COL14A1: variants seen among roughly 807,000 people sequenced by gnomAD.
COL14A1 encodes the protein collagen type XIV alpha 1 chain.
In COL14A1, 136 loss-of-function variants were observed where a neutral mutation model predicts 230.3. The observed-to-expected ratio is 0.59, with a 90% CI of 0.51 to 0.68. COL14A1 has a LOEUF of 0.68. Among genes scored for constraint, COL14A1 ranks in the 30% least tolerant of loss-of-function variants. The pLI, the probability that COL14A1 is intolerant of heterozygous loss-of-function variation, is 0.00. For synonymous variants in COL14A1, 792 were observed against 784.1 expected, an observed-to-expected ratio of 1.01 and a Z score of -0.17; for missense variants, 1,976 against 2,215.8, an observed-to-expected ratio of 0.89 and a Z score of 2.17.
chr8:120,340,906 A>C (rs1246092432), intron 42 of COL14A1, among the ~76,000 whole-genome samples: 1 of 152,168 alleles, frequency 6.6e-6, no homozygotes, highest in East Asian at 1.9e-4. Flanking sequence ...CCTTTTGGAG[A>C]TATTCCTTTA....
chr8:120,324,428 A>G (rs1299856964), intron 40 of COL14A1, among the ~76,000 whole-genome samples: 1 of 152,176 alleles, frequency 6.6e-6, no homozygotes, highest in African/African-American at 2.4e-5. Context: ...CAGTGTTTAC[A>G]GAATCTGTGG....
chr8:120,346,003 G>C (rs1169307988), intron 45 of COL14A1, among the ~76,000 whole-genome samples: 2 of 152,198 alleles, frequency 1.3e-5, no homozygotes, highest in African/African-American at 4.8e-5. Flanking sequence ...TGCCCAGACT[G>C]GGCAATAGTC....
At position 120,216,419 on chromosome 8, in the gene COL14A1, G is replaced by A. The variant is rs1487827010; in HGVS notation, c.1666G>A (p.Asp556Asn). 1 of 1,613,488 alleles carries A rather than the reference G, an allele frequency of 6.2e-7. No homozygotes were observed. The highest frequency in any genetic ancestry group is 2.2e-5 in the East Asian group (1 of 44,850). Residue 556 changes from aspartate (D) to asparagine (N), a missense_variant, in exon 14 of 48, where the codon GAC (aspartate) becomes AAC (asparagine). Asp to Asn is a conservative substitution (Grantham distance 23). Coordinates refer to ENST00000297848, the MANE Select transcript of COL14A1 (RefSeq NM_021110.4). ...VGSNSARLTW[D>N]PTSRQINGYR... is the part of the protein sequence containing the mutation. Reference sequence around the variant, plus strand: ...CTCTAACAGTGCTCGATTAACCTGGGACCCAACTTCAAGACAGATCAATGG... The same window carrying A: ...CTCTAACAGTGCTCGATTAACCTGGAACCCAACTTCAAGACAGATCAATGG...
At chr8:120,296,336 T>C (rs904661096) in intron 34 of COL14A1, among the ~76,000 whole-genome samples, 8 of 152,020 alleles carry the variant, frequency 5.3e-5, no homozygotes, top group Non-Finnish European at 1.2e-4. Context: ...AAGGCATAAT[T>C]ACTTGAGTAT....
chr8:120,324,197 C>G (rs1293131378), intron 40 of COL14A1, among the ~76,000 whole-genome samples: 1 of 151,698 alleles, frequency 6.6e-6, no homozygotes, highest in African/African-American at 2.4e-5. Flanking sequence ...TATAAGAAAC[C>G]AGCTCATGTA....
chr8:120,214,783 TAGAAC>T (rs1390594485), intron 13 of COL14A1, among the ~76,000 whole-genome samples: 2 of 143,852 alleles, frequency 1.4e-5, no homozygotes, highest in African/African-American at 2.6e-5. Flanking sequence ...TGAAAAAAAA[TAGAAC>T]AGAAGAAGGA....
At chr8:120,199,318 A>G in intron 7 of COL14A1, 84 bp from the exon 8 acceptor site, 1 of 1,245,344 alleles carries the variant, frequency 8.0e-7, no homozygotes, top group Non-Finnish European at 1.1e-6. Context: ...TCAATAGGTT[A>G]CCCATCTTGT....
intron 14 of COL14A1, among the ~76,000 whole-genome samples, chr8:120,221,560 GCACACA>G (rs142408225): frequency 1.3e-4 from 20 of 149,406 alleles, no homozygotes; most frequent in African/African-American, 3.4e-4. Context: ...ACACACACAT[GCACACA>G]CACACACACA....
chr8:120,224,275 C>T (rs1818027136), intron 14 of COL14A1, among the ~76,000 whole-genome samples: 1 of 152,024 alleles, frequency 6.6e-6, no homozygotes, highest in African/African-American at 2.4e-5. Flanking sequence ...GATCTACCTG[C>T]CTCGGCCTCC....
At chr8:120,274,151 C>A (rs1400117140) in intron 26 of COL14A1, among the ~76,000 whole-genome samples, 2 of 151,712 alleles carry the variant, frequency 1.3e-5, no homozygotes, top group African/African-American at 2.4e-5. Flanking sequence ...GGATGTCATC[C>A]CAGGGACACA....
chr8:120,146,424 C>A (rs1213755897), intron 1 of COL14A1, among the ~76,000 whole-genome samples: 1 of 142,748 alleles, frequency 7.0e-6, no homozygotes, highest in Non-Finnish European at 1.6e-5. Context: ...CCAAATTCAG[C>A]AACTATACCT....
chr8:120,210,719 A>G (rs546876265), intron 12 of COL14A1, among the ~76,000 whole-genome samples: 55 of 152,282 alleles, frequency 3.6e-4, no homozygotes, highest in African/African-American at 1.3e-3. Flanking sequence ...GGTGGAGTTA[A>G]TAAGCAAAGC....
chr8:120,250,312 C>T (rs976208482), intron 21 of COL14A1, among the ~76,000 whole-genome samples: 7 of 152,196 alleles, frequency 4.6e-5, no homozygotes, highest in African/African-American at 1.7e-4. Context: ...ACTAATTCCT[C>T]AATTGCCTAT....
intron 14 of COL14A1, among the ~76,000 whole-genome samples, chr8:120,216,691 G>C (rs1249695148): frequency 6.6e-6 from 1 of 152,132 alleles, no homozygotes; most frequent in African/African-American, 2.4e-5. Flanking sequence ...GTGAGGTTAG[G>C]GCCAGATAGT....
chr8:120,368,381 T>C (rs1475033293), intron 46 of COL14A1, among the ~76,000 whole-genome samples: 1 of 152,290 alleles, frequency 6.6e-6, no homozygotes. Flanking sequence ...ATTTCTGTTA[T>C]TAGAGACAAT....
intron 23 of COL14A1, among the ~76,000 whole-genome samples, chr8:120,261,291 A>G (rs921416701): frequency 1.3e-5 from 2 of 152,222 alleles, no homozygotes; most frequent in Admixed American, 6.5e-5. Flanking sequence ...AGAAGTTATT[A>G]ACTTTTCTGA....
At chr8:120,156,236 C>A (rs113055634) in intron 2 of COL14A1, among the ~76,000 whole-genome samples, 1,514 of 151,050 alleles carry the variant, frequency 0.01, 23 homozygotes, top group African/African-American at 0.036. Flanking sequence ...GTAGCCTGAT[C>A]TCAGCTCCCT....
At chr8:120,199,302 T>C in intron 7 of COL14A1, 100 bp from the exon 8 acceptor site, 1 of 1,099,930 alleles carries the variant, frequency 9.1e-7, no homozygotes, top group Non-Finnish European at 1.2e-6. Context: ...ATAAAAAGTC[T>C]ATGGCTCAAT....
At chr8:120,249,805 T>C (rs1818883914) in intron 21 of COL14A1, among the ~76,000 whole-genome samples, 1 of 152,174 alleles carries the variant, frequency 6.6e-6, no homozygotes, top group Non-Finnish European at 1.5e-5. Flanking sequence ...GTATGGTCAT[T>C]TGCATTGTAC....
Sources: gnomAD v4.1 joint callset for allele counts (sites outside exome capture counted in the v4.1 genomes callset) on GRCh38, gnomAD v4.1.1 for gene constraint, MANE v1.5 for transcripts, NCBI Gene and HGNC (gene_info 2026-07-23, HGNC 2026-07-21) for gene names.